Variants in SEMA3E observed in about 807,000 individuals in gnomAD.
SEMA3E encodes the protein semaphorin 3E, also known as semaphorin-3E.
A neutral mutation model predicts 93.6 loss-of-function variants in SEMA3E; 49 were observed. The observed-to-expected ratio is 0.52, with a 90% CI of 0.42 to 0.66. The LOEUF is 0.66. Ranked by LOEUF, SEMA3E falls within the 30% of genes least tolerant of loss-of-function variation. The probability of loss-of-function intolerance (pLI) is 0.00; values close to 1 mark genes in which losing one functional copy is unlikely to be tolerated. For synonymous variants in SEMA3E, 363 were observed against 330.7 expected, an observed-to-expected ratio of 1.10 and a Z score of -1.06; for missense variants, 906 against 964.8, an observed-to-expected ratio of 0.94 and a Z score of 0.81.
In SEMA3E at chr7:83,434,894, T is replaced by C. The variant is rs575421221; in HGVS notation, c.457-16411A>G. 6.6e-5 allele frequency among the ~76,000 whole-genome samples: 10 copies of C among 151,468 alleles called. No homozygotes were observed. The South Asian group carries it at 2.1e-3, about 32-fold the overall frequency. On this transcript the variant is annotated intron_variant, in intron 4 of 16. Coordinates refer to ENST00000643230, the MANE Select transcript of SEMA3E (RefSeq NM_012431.3). ...ACGCCCGGCTAATTTTTTGTATTTT[T>C]AGTAGAGACGGGGTTTCACCGTTTT...
At chr7:83,571,844 G>C (rs913994920) in intron 1 of SEMA3E, among the ~76,000 whole-genome samples, 1 of 152,086 alleles carries the variant, frequency 6.6e-6, no homozygotes, top group African/African-American at 2.4e-5. Flanking sequence ...CCACCAAAAG[G>C]CTCCTAGAAC....
At chr7:83,640,176 C>T (rs766190811) in intron 1 of SEMA3E, among the ~76,000 whole-genome samples, 25 of 152,036 alleles carry the variant, frequency 1.6e-4, no homozygotes, top group South Asian at 6.2e-4. Context: ...TGTTCTTTTC[C>T]GGTTCTGAAG....
intron 1 of SEMA3E, among the ~76,000 whole-genome samples, chr7:83,562,660 T>C (rs1448570909): frequency 6.6e-6 from 1 of 152,048 alleles, no homozygotes; most frequent in East Asian, 1.9e-4. Flanking sequence ...TGTTCCTCTG[T>C]GGCAGAGGAA....
intron 14 of SEMA3E, among the ~76,000 whole-genome samples, chr7:83,387,492 T>C (rs1331456448): frequency 6.6e-6 from 1 of 152,080 alleles, no homozygotes; most frequent in Non-Finnish European, 1.5e-5. Context: ...AAAAAGGTGT[T>C]AAAATCCAAA....
intron 1 of SEMA3E, among the ~76,000 whole-genome samples, chr7:83,508,679 T>C (rs1367692960): frequency 6.6e-6 from 1 of 152,222 alleles, no homozygotes; most frequent in African/African-American, 2.4e-5. Flanking sequence ...CATAGCATAG[T>C]ACATCTGACA....
At chr7:83,607,560 G>A (rs1193325585) in intron 1 of SEMA3E, among the ~76,000 whole-genome samples, 2 of 151,952 alleles carry the variant, frequency 1.3e-5, no homozygotes, top group African/African-American at 4.8e-5. Context: ...AATATAAACT[G>A]GGTCATTGGC....
chr7:83,637,038 GTA>G (rs200382935), intron 1 of SEMA3E, among the ~76,000 whole-genome samples: 5 of 132,540 alleles, frequency 3.8e-5, no homozygotes, highest in East Asian at 4.4e-4. Flanking sequence ...GTGTGTGTGT[GTA>G]TGTGTGTGTG....
chr7:83,621,770 G>T (rs562071150), intron 1 of SEMA3E, among the ~76,000 whole-genome samples: 1 of 152,260 alleles, frequency 6.6e-6, no homozygotes, highest in Non-Finnish European at 1.5e-5. Context: ...AAATGGTGCT[G>T]GGAGAATTGG....
At chr7:83,619,530 T>C (rs1793501706) in intron 1 of SEMA3E, among the ~76,000 whole-genome samples, 1 of 151,876 alleles carries the variant, frequency 6.6e-6, no homozygotes, top group Admixed American at 6.6e-5. Flanking sequence ...TCAATTCTAT[T>C]TGTTTTCAGT....
intron 1 of SEMA3E, among the ~76,000 whole-genome samples, chr7:83,588,973 G>C (rs1017350555): frequency 6.6e-6 from 1 of 152,076 alleles, no homozygotes; most frequent in Non-Finnish European, 1.5e-5. Context: ...ACTTCCTAAG[G>C]AGGTGATGTT....
intron 1 of SEMA3E, among the ~76,000 whole-genome samples, chr7:83,605,229 C>T (rs1048168315): frequency 3.3e-5 from 5 of 152,148 alleles, no homozygotes; most frequent in Non-Finnish European, 7.3e-5. Flanking sequence ...AATGGATGAA[C>T]TAATTTACAT....
At chr7:83,554,446 G>A (rs551777834) in intron 1 of SEMA3E, among the ~76,000 whole-genome samples, 10 of 152,152 alleles carry the variant, frequency 6.6e-5, no homozygotes, top group Admixed American at 1.3e-4. Flanking sequence ...TACTGCTTTC[G>A]ATTTCTACAT....
intron 1 of SEMA3E, among the ~76,000 whole-genome samples, chr7:83,554,226 T>C (rs891779187): frequency 2.5e-4 from 38 of 152,290 alleles, no homozygotes; most frequent in African/African-American, 8.7e-4. Flanking sequence ...ATGACCAAAG[T>C]AACAATTACT....
chr7:83,488,832 G>A (rs1329315538), intron 2 of SEMA3E, among the ~76,000 whole-genome samples: 1 of 152,010 alleles, frequency 6.6e-6, no homozygotes, highest in Non-Finnish European at 1.5e-5. Flanking sequence ...GATGAAAACT[G>A]GTAAATTGTA....
At chr7:83,589,064 A>G (rs1792697396) in intron 1 of SEMA3E, among the ~76,000 whole-genome samples, 1 of 152,170 alleles carries the variant, frequency 6.6e-6, no homozygotes, top group South Asian at 2.1e-4. Context: ...TCTGTGTTCA[A>G]TTAACTATTA....
intron 4 of SEMA3E, among the ~76,000 whole-genome samples, chr7:83,455,288 G>A (rs1393269051): frequency 1.3e-5 from 2 of 152,120 alleles, no homozygotes; most frequent in South Asian, 2.1e-4. Context: ...CAAATTTTCC[G>A]AGGTTTGAGC....
chr7:83,630,581 C>A (rs1169959257), intron 1 of SEMA3E, among the ~76,000 whole-genome samples: 1 of 152,136 alleles, frequency 6.6e-6, no homozygotes, highest in Non-Finnish European at 1.5e-5. Flanking sequence ...TGAGATCAGA[C>A]ATCCTTGTTT....
intron 5 of SEMA3E, among the ~76,000 whole-genome samples, chr7:83,410,833 TAGTTG>T (rs1317048258): frequency 5.9e-5 from 9 of 152,108 alleles, no homozygotes; most frequent in South Asian, 2.1e-4. Flanking sequence ...TTAATTATTA[TAGTTG>T]AGTTATGTTT....
chr7:83,644,942 C>T (rs1028065779), intron 1 of SEMA3E, among the ~76,000 whole-genome samples: 1 of 151,990 alleles, frequency 6.6e-6, no homozygotes, highest in Non-Finnish European at 1.5e-5. Flanking sequence ...TCCTTGATTT[C>T]TGCAACTGCA....
Sources: allele counts gnomAD v4.1 joint callset (sites outside exome capture counted in the v4.1 genomes callset), GRCh38; gene constraint gnomAD v4.1.1; transcripts MANE v1.5; gene names NCBI Gene and HGNC (gene_info 2026-07-23, HGNC 2026-07-21).